Variants in CNTNAP4 observed in about 807,000 individuals in gnomAD.
CNTNAP4 encodes contactin-associated protein-like 4.
In CNTNAP4, 98 loss-of-function variants were observed where a neutral mutation model predicts 148.4. The ratio of observed to expected loss-of-function variants is 0.66; its 90% CI spans 0.56 to 0.78. The LOEUF (loss-of-function observed/expected upper bound fraction) is 0.78, where lower values mean the gene tolerates loss of function less well. Ranked by LOEUF, CNTNAP4 falls within the 30% of genes least tolerant of loss-of-function variation. CNTNAP4 has a pLI of 0.00. For synonymous variants in CNTNAP4, 730 were observed against 565.1 expected (o/e 1.29, Z -4.14); for missense variants, 1,935 against 1,565.6 (o/e 1.24, Z -3.98).
At chr16:76,466,285 T>C (rs1486209650) in intron 9 of CNTNAP4, among the ~76,000 whole-genome samples, 1 of 152,084 alleles carries the variant, frequency 6.6e-6, no homozygotes, top group Non-Finnish European at 1.5e-5. Context: ...TGGGGAGAAG[T>C]AGGAGATTGT....
chr16:76,406,688 A>G (rs1295995165), intron 3 of CNTNAP4, among the ~76,000 whole-genome samples: 2 of 152,192 alleles, frequency 1.3e-5, no homozygotes, highest in Admixed American at 6.5e-5. Flanking sequence ...AGTGGTCTGG[A>G]TAGAAGATCA....
intron 1 of CNTNAP4, among the ~76,000 whole-genome samples, chr16:76,284,775 A>G (rs911838201): frequency 2.0e-5 from 3 of 152,084 alleles, no homozygotes; most frequent in Non-Finnish European, 4.4e-5. Flanking sequence ...ATGTGTATGC[A>G]TGCATTTATT....
intron 3 of CNTNAP4, among the ~76,000 whole-genome samples, chr16:76,371,050 C>T (rs550576241): frequency 2.0e-5 from 3 of 152,306 alleles, no homozygotes; most frequent in Non-Finnish European, 2.9e-5. Flanking sequence ...ATTTTTGCCA[C>T]ATAATCGACA....
chr16:76,327,106 G>C (rs1000572491), intron 2 of CNTNAP4, among the ~76,000 whole-genome samples: 2 of 152,124 alleles, frequency 1.3e-5, no homozygotes, highest in Non-Finnish European at 2.9e-5. Flanking sequence ...TTGTTACAAA[G>C]GTATATTGCA....
intron 3 of CNTNAP4, among the ~76,000 whole-genome samples, chr16:76,367,115 A>G (rs1472409076): frequency 1.3e-5 from 2 of 151,972 alleles, no homozygotes; most frequent in Non-Finnish European, 2.9e-5. Context: ...AACACATGGG[A>G]CATCTGTTAC....
chr16:76,344,103 T>G (rs903255458), intron 2 of CNTNAP4, among the ~76,000 whole-genome samples: 1 of 152,192 alleles, frequency 6.6e-6, no homozygotes, highest in African/African-American at 2.4e-5. Context: ...TCTCTTTGCA[T>G]ACCACCCTAT....
intron 17 of CNTNAP4, among the ~76,000 whole-genome samples, chr16:76,525,719 CAA>C (rs1048906261): frequency 3.7e-4 from 47 of 128,294 alleles, no homozygotes; most frequent in Non-Finnish European, 5.9e-4. Flanking sequence ...CTATTATATA[CAA>C]TATATATAAA....
intron 4 of CNTNAP4, among the ~76,000 whole-genome samples, chr16:76,428,497 T>G (rs1202424681): frequency 6.6e-6 from 1 of 152,136 alleles, no homozygotes; most frequent in African/African-American, 2.4e-5. Context: ...CTTTGTGATG[T>G]AAGCCAAGTT....
At chr16:76,403,437 A>G (rs1406531553) in intron 3 of CNTNAP4, among the ~76,000 whole-genome samples, 1 of 152,214 alleles carries the variant, frequency 6.6e-6, no homozygotes, top group Admixed American at 6.5e-5. Context: ...TAACAAGCAT[A>G]TGAAGAAAAT....
chr16:76,503,557 C>A (rs1462083832), intron 15 of CNTNAP4, among the ~76,000 whole-genome samples: 1 of 152,056 alleles, frequency 6.6e-6, no homozygotes, highest in African/African-American at 2.4e-5. Flanking sequence ...ACTTTAAGTT[C>A]TAGGGTACAT....
chr16:76,536,475 C>T (rs1421230740), intron 18 of CNTNAP4, among the ~76,000 whole-genome samples: 2 of 152,202 alleles, frequency 1.3e-5, no homozygotes, highest in Non-Finnish European at 1.5e-5. Flanking sequence ...GGATTACAGA[C>T]GTGAGTCCCC....
At chr16:76,401,593 G>A (rs1172189298) in intron 3 of CNTNAP4, among the ~76,000 whole-genome samples, 1 of 152,134 alleles carries the variant, frequency 6.6e-6, no homozygotes, top group Non-Finnish European at 1.5e-5. Context: ...GAACGAGAGT[G>A]GTGAGAGGGG....
chr16:76,324,907 A>T (rs567677250), intron 2 of CNTNAP4, among the ~76,000 whole-genome samples: 1 of 152,330 alleles, frequency 6.6e-6, no homozygotes, highest in East Asian at 1.9e-4. Flanking sequence ...AAATGCCATC[A>T]CACTGGGGAT....
intron 1 of CNTNAP4, among the ~76,000 whole-genome samples, chr16:76,293,083 C>G (rs1175581357): frequency 6.6e-6 from 1 of 152,098 alleles, no homozygotes; most frequent in Non-Finnish European, 1.5e-5. Flanking sequence ...GCCCAGCTCT[C>G]TTTATAGTTA....
intron 10 of CNTNAP4, among the ~76,000 whole-genome samples, chr16:76,472,973 A>G (rs967846949): frequency 6.6e-6 from 1 of 152,212 alleles, no homozygotes; most frequent in Non-Finnish European, 1.5e-5. Context: ...TTAAAAAATA[A>G]AAAGACATAA....
chr16:76,380,693 T>C (rs1044284094), intron 3 of CNTNAP4, among the ~76,000 whole-genome samples: 11 of 152,152 alleles, frequency 7.2e-5, no homozygotes, highest in African/African-American at 2.7e-4. Flanking sequence ...TTTATATAGC[T>C]GAAGGGCTGT....
In CNTNAP4 at chr16:76,355,407, A is replaced by T. The variant is rs1270041746; in HGVS notation, c.286A>T (p.Thr96Ser). The change falls in exon 3 of 24, where the codon ACT (threonine) becomes TCT (serine). Residue 96 changes from threonine to serine, a missense_variant. Transcript: ENST00000611870. ...GERMEVTAVA[T>S]QGGYGSSNWV... ...GAGAATGGAGGTCACCGCTGTGGCC[A>T]CTCAAGGGGGATATGGTAGCTCCAA... 1 of 1,611,144 alleles carries T rather than the reference A, an allele frequency of 6.2e-7. No homozygotes were observed. Among genetic ancestry groups the T allele is most frequent in the Non-Finnish European group, 8.5e-7 (1 of 1,178,484 alleles).
At chr16:76,496,085 T>TTGTGTGTGTGTGTGTGTG (rs5817999) in intron 14 of CNTNAP4, among the ~76,000 whole-genome samples, 3,692 of 140,124 alleles carry the variant, frequency 0.026, 73 homozygotes, top group African/African-American at 0.042. Flanking sequence ...CAAGATTATG[T>TTGTGTGTGTGTGTGTGTG]TGTGTGTGTG....
At chr16:76,324,613 A>T (rs1350030437) in intron 2 of CNTNAP4, among the ~76,000 whole-genome samples, 1 of 152,218 alleles carries the variant, frequency 6.6e-6, no homozygotes, top group Non-Finnish European at 1.5e-5. Flanking sequence ...CCTCAAGGTG[A>T]CGGTAGAGTC....
Sources: allele counts gnomAD v4.1 joint callset (sites outside exome capture counted in the v4.1 genomes callset), GRCh38; gene constraint gnomAD v4.1.1; transcripts MANE v1.5; gene names NCBI Gene and HGNC (gene_info 2026-07-23, HGNC 2026-07-21).